The following TENM2 variants were observed in gnomAD, a reference collection of about 807,000 sequenced individuals.
TENM2 encodes the protein teneurin transmembrane protein 2.
In TENM2, 52 loss-of-function variants were observed where a neutral mutation model predicts 245.2. The ratio of observed to expected loss-of-function variants is 0.21; its 90% confidence interval spans 0.17 to 0.27. TENM2 has a LOEUF of 0.27. TENM2 is among the 10% of genes least tolerant of loss of function. TENM2 has a pLI of 1.00. For synonymous variants in TENM2, 1,363 were observed against 1,438.9 expected (o/e 0.95, Z 1.19); for missense variants, 3,046 against 3,666.8 (o/e 0.83, Z 4.37).
chr5:167,863,927 T>C (rs1293793600), intron 2 of TENM2, among the ~76,000 whole-genome samples: 2 of 152,210 alleles, frequency 1.3e-5, no homozygotes, highest in African/African-American at 4.8e-5. Context: ...TCCTAACATC[T>C]TCCTAACAAC....
chr5:167,086,705 T>G, the TENM2 span, among the ~76,000 whole-genome samples: 1 of 152,146 alleles, frequency 6.6e-6, no homozygotes, highest in African/African-American at 2.4e-5. Context: ...ATCTATTGCA[T>G]CTGTAGTTCT....
At chr5:167,375,507 T>G (rs1561905917) in intron 2 of TENM2, 34 bp downstream of exon 4, 1 of 1,542,450 alleles carries the variant, frequency 6.5e-7, no homozygotes, top group South Asian at 1.2e-5. Flanking sequence ...TTTAACGTTC[T>G]GTGCACTGCA....
At chr5:167,889,867 A>T (rs1430939889) in intron 3 of TENM2, among the ~76,000 whole-genome samples, 2 of 151,862 alleles carry the variant, frequency 1.3e-5, no homozygotes, top group Admixed American at 1.3e-4. Context: ...AAGATGGAGG[A>T]TCTGTTGTGA....
At chr5:167,113,789 G>A in the TENM2 span, among the ~76,000 whole-genome samples, 1 of 152,030 alleles carries the variant, frequency 6.6e-6, no homozygotes, top group Non-Finnish European at 1.5e-5. Context: ...AATATAAGGG[G>A]GTATTTTCCC....
chr5:168,056,147 G>A (rs532108640), intron 6 of TENM2, among the ~76,000 whole-genome samples: 10 of 152,294 alleles, frequency 6.6e-5, no homozygotes, highest in African/African-American at 2.4e-4. Flanking sequence ...TGGCTTTGAT[G>A]CTGTTCTTTT....
At chr5:167,536,785 G>C (rs771112276) in intron 2 of TENM2, among the ~76,000 whole-genome samples, 4 of 152,120 alleles carry the variant, frequency 2.6e-5, no homozygotes, top group African/African-American at 7.2e-5. Flanking sequence ...GGGAGACCGA[G>C]GCAGGCAGGA....
chr5:167,695,977 T>C (rs1001014566), intron 2 of TENM2, among the ~76,000 whole-genome samples: 25 of 150,878 alleles, frequency 1.7e-4, no homozygotes, highest in Non-Finnish European at 3.7e-4. Flanking sequence ...GAGCTTGCAG[T>C]GAGCCGAGAT....
the TENM2 span, among the ~76,000 whole-genome samples, chr5:167,007,417 T>C: frequency 2.0e-5 from 3 of 152,354 alleles, no homozygotes; most frequent in Admixed American, 2.0e-4. The surrounding 1 kb of genome is among the most constrained non-coding windows in gnomAD (Gnocchi z 4.2). Flanking sequence ...CCTTACTGGC[T>C]GTTGCTTACC....
intron 1 of TENM2, among the ~76,000 whole-genome samples, chr5:167,337,720 G>A (rs1321071543): frequency 6.6e-6 from 1 of 152,156 alleles, no homozygotes; most frequent in East Asian, 1.9e-4. Flanking sequence ...GTGATCCATG[G>A]AAGGAAAGGT....
At chr5:167,956,498 C>T (rs116612101) in intron 4 of TENM2, among the ~76,000 whole-genome samples, 14,335 of 152,176 alleles carry the variant, frequency 0.094, 779 homozygotes, top group South Asian at 0.17. Context: ...GCCAGAACTT[C>T]GAGTACTATG....
chr5:168,080,977 G>C (rs1025802116), intron 7 of TENM2, among the ~76,000 whole-genome samples: 3 of 152,138 alleles, frequency 2.0e-5, no homozygotes, highest in Non-Finnish European at 2.9e-5. Context: ...TTCAATTCCT[G>C]GATATCCTTG....
intron 4 of TENM2, among the ~76,000 whole-genome samples, chr5:167,986,177 C>A (rs1783233374): frequency 6.6e-6 from 1 of 152,306 alleles, no homozygotes; most frequent in East Asian, 1.9e-4. Context: ...AAATCCATGT[C>A]TTTGCTGTCA....
chr5:167,656,330 C>T (rs759412723), intron 2 of TENM2, among the ~76,000 whole-genome samples: 2 of 152,150 alleles, frequency 1.3e-5, no homozygotes, highest in Admixed American at 6.5e-5. Context: ...TACATAAATA[C>T]TCATTGAATC....
chr5:167,928,539 G>GC (rs1777936649), intron 3 of TENM2, among the ~76,000 whole-genome samples: 1 of 152,088 alleles, frequency 6.6e-6, no homozygotes, highest in African/African-American at 2.4e-5. Flanking sequence ...AGTTATTACT[G>GC]AAGGAGGGCG....
chr5:167,645,861 A>G (rs1779894180), intron 2 of TENM2, among the ~76,000 whole-genome samples: 1 of 152,014 alleles, frequency 6.6e-6, no homozygotes, highest in South Asian at 2.1e-4. Context: ...TATGTAATGC[A>G]TATATTACAA....
intron 2 of TENM2, among the ~76,000 whole-genome samples, chr5:167,875,658 A>C (rs1319421992): frequency 6.6e-6 from 1 of 152,198 alleles, no homozygotes; most frequent in Non-Finnish European, 1.5e-5. Flanking sequence ...GCAAGGAGGT[A>C]GCTCAGAGAG....
At chr5:168,043,901 G>C (rs17069703) in intron 5 of TENM2, among the ~76,000 whole-genome samples, 11,120 of 152,278 alleles carry the variant, frequency 0.073, 620 homozygotes, top group East Asian at 0.26. Flanking sequence ...GAAGAGGTTT[G>C]CTGAGACTCC....
At chr5:168,186,932 G>A (rs2152502785) in intron 13 of TENM2, 1 of 152,306 alleles carries the variant, frequency 6.6e-6, no homozygotes, top group South Asian at 2.1e-4. Flanking sequence ...ATGACTGACA[G>A]GCCACTGGGA....
chr5:167,246,418 A>G, the TENM2 span, among the ~76,000 whole-genome samples: 18 of 152,100 alleles, frequency 1.2e-4, no homozygotes, highest in African/African-American at 4.1e-4. Flanking sequence ...TATAAATTAC[A>G]TAGATATATG....
Sources: allele counts gnomAD v4.1 joint callset (sites outside exome capture counted in the v4.1 genomes callset), GRCh38; gene constraint gnomAD v4.1.1; non-coding constraint Gnocchi (gnomAD v3.1); transcripts MANE v1.5; gene names NCBI Gene and HGNC (gene_info 2026-07-23, HGNC 2026-07-21).